PIBF1: variants seen among roughly 807,000 people sequenced by gnomAD.
PIBF1 encodes progesterone-induced-blocking factor 1.
In PIBF1, 90 loss-of-function variants were observed where a neutral mutation model predicts 112.5. The observed-to-expected ratio is 0.80, with a 90% CI of 0.67 to 0.95. PIBF1 has a LOEUF of 0.95. PIBF1 is among the 40% of genes least tolerant of loss of function. PIBF1 has a pLI of 0.00. For missense variants in PIBF1, 915 were observed against 852.3 expected (o/e 1.07, Z -0.92); for synonymous variants, 301 against 288.6 (o/e 1.04, Z -0.44).
intron 16 of PIBF1, among the ~76,000 whole-genome samples, chr13:72,979,690 G>T (rs1038051789): frequency 6.6e-6 from 1 of 152,124 alleles, no homozygotes; most frequent in Non-Finnish European, 1.5e-5. Context: ...TTCGGAGGCC[G>T]AGGCGGGCAG....
chr13:72,917,123 G>C lies in PIBF1; in HGVS notation c.1687G>C (p.Gly563Arg). Residue 563 changes from glycine (G) to arginine (R), a missense_variant, in exon 13 of 18, where the codon GGT becomes CGT. Gly to Arg is a moderately radical substitution (Grantham distance 125). Transcript: ENST00000326291. ...AERVLFSYGY[G>R]ANVPTTAKRR... ...AAGGGTTCTTTTTTCCTACGGCTAT[G>C]GTGCTAATGTTCCCACAACAGCCAA... The C allele has an allele frequency of 6.3e-7, 1 of 1,596,960 alleles. No individual in the cohort carries two copies. Among genetic ancestry groups the C allele is most frequent in the African/African-American group, 1.3e-5 (1 of 74,364 alleles).
intron 16 of PIBF1, among the ~76,000 whole-genome samples, chr13:72,986,676 C>CTTTTTTTTTT (rs765529786): frequency 2.2e-5 from 2 of 89,006 alleles, no homozygotes; most frequent in African/African-American, 4.3e-5. Flanking sequence ...TTTCTGTCAT[C>CTTTTTTTTTT]TTTTTTTTTT....
At chr13:72,863,312 A>G (rs1193289471) in intron 10 of PIBF1, among the ~76,000 whole-genome samples, 4 of 152,156 alleles carry the variant, frequency 2.6e-5, no homozygotes, top group African/African-American at 9.7e-5. Context: ...TATATAGGAA[A>G]AGAAATACAG....
At chr13:72,883,246 C>T (rs575436063) in intron 10 of PIBF1, among the ~76,000 whole-genome samples, 2 of 152,248 alleles carry the variant, frequency 1.3e-5, no homozygotes, top group East Asian at 1.9e-4. Flanking sequence ...ATAAGACAAA[C>T]TTTGCATGTT....
At chr13:72,905,233 A>C (rs1003508893) in intron 11 of PIBF1, among the ~76,000 whole-genome samples, 10 of 151,930 alleles carry the variant, frequency 6.6e-5, no homozygotes, top group African/African-American at 2.4e-4. Context: ...ACACCCGGCT[A>C]ATTTTTGTAT....
chr13:73,009,068 TAGAGTGTGGCA>T (rs552722323), intron 17 of PIBF1, among the ~76,000 whole-genome samples: 150 of 152,308 alleles, frequency 9.8e-4, no homozygotes, highest in African/African-American at 3.5e-3. Context: ...CAACCATCCT[TAGAGTGTGGCA>T]TCTGTTCTTA....
chr13:72,977,366 T>C (rs2043049419), intron 16 of PIBF1, among the ~76,000 whole-genome samples: 1 of 151,966 alleles, frequency 6.6e-6, no homozygotes, highest in Non-Finnish European at 1.5e-5. Flanking sequence ...CCACCACACC[T>C]GGCTAATTTT....
intron 9 of PIBF1, among the ~76,000 whole-genome samples, chr13:72,845,607 G>A (rs1048419691): frequency 6.6e-6 from 1 of 152,142 alleles, no homozygotes; most frequent in African/African-American, 2.4e-5. Flanking sequence ...TTCCACAACT[G>A]TTGAAGTAAT....
chr13:72,870,225 C>T (rs1203974566), intron 10 of PIBF1, among the ~76,000 whole-genome samples: 1 of 152,166 alleles, frequency 6.6e-6, no homozygotes, highest in Non-Finnish European at 1.5e-5. Flanking sequence ...TCTCTGCCTT[C>T]CTTAATTCTT....
chr13:72,787,045 A>G lies in PIBF1; in HGVS notation c.252+3324A>G, dbSNP rs143571638. Among the ~76,000 whole-genome samples the G allele has an allele frequency of 8.5e-3, 1,287 of 152,294 alleles. 63 individuals are homozygous for G. The highest frequency in any genetic ancestry group is 9.6e-3 in the East Asian group (50 of 5,190). On this transcript the variant is annotated intron_variant, in intron 2 of 17. Transcript: ENST00000326291. The stretch of plus-strand genomic sequence containing the variant: ...AAAGTGTGAGTCTGGAGTTGATGAA[A>G]GAATATTTAAAAAATATTTTTATTA...
At chr13:72,786,807 G>A (rs760569754) in intron 2 of PIBF1, among the ~76,000 whole-genome samples, 6 of 152,156 alleles carry the variant, frequency 3.9e-5, no homozygotes, top group Non-Finnish European at 8.8e-5. Context: ...AGGATTCTCT[G>A]CTTGAAGACT....
At chr13:72,996,777 A>AG in intron 16 of PIBF1, among the ~76,000 whole-genome samples, 1 of 152,294 alleles carries the variant, frequency 6.6e-6, no homozygotes, top group Admixed American at 6.5e-5. Flanking sequence ...TAAAAAAAAA[A>AG]AAATTGAAGT....
At chr13:72,892,785 T>TACACACACACACACACACACACACACAC in intron 10 of PIBF1, among the ~76,000 whole-genome samples, 1 of 140,796 alleles carries the variant, frequency 7.1e-6, no homozygotes, top group Non-Finnish European at 1.5e-5. Flanking sequence ...CCTCCTGCCT[T>TACACACACACACACACACACACACACAC]ACACACACAC....
At chr13:72,994,739 G>A (rs761029648) in intron 16 of PIBF1, among the ~76,000 whole-genome samples, 12 of 152,088 alleles carry the variant, frequency 7.9e-5, no homozygotes, top group Admixed American at 2.6e-4. Context: ...GATAAGAACC[G>A]AACCAGGTTA....
intron 17 of PIBF1, among the ~76,000 whole-genome samples, chr13:73,011,999 T>G (rs1487577110): frequency 1.3e-5 from 2 of 152,032 alleles, no homozygotes; most frequent in Admixed American, 1.3e-4. Context: ...ATGAAAATCC[T>G]AAGAAAGAAC....
At chr13:72,844,154 G>A (rs113939722) in intron 9 of PIBF1, among the ~76,000 whole-genome samples, 7 of 152,174 alleles carry the variant, frequency 4.6e-5, no homozygotes, top group African/African-American at 1.7e-4. Flanking sequence ...TTACAAGTAA[G>A]GTAATTGAGA....
intron 16 of PIBF1, among the ~76,000 whole-genome samples, chr13:72,976,403 C>A (rs1037105096): frequency 1.3e-5 from 2 of 152,070 alleles, no homozygotes; most frequent in African/African-American, 4.8e-5. Flanking sequence ...GATGAAACTA[C>A]TCATTAATTG....
At chr13:72,794,249 G>A (rs2035079578) in intron 3 of PIBF1, among the ~76,000 whole-genome samples, 1 of 152,170 alleles carries the variant, frequency 6.6e-6, no homozygotes, top group Non-Finnish European at 1.5e-5. Context: ...ATTGGAGACA[G>A]TAAAAATATG....
chr13:72,967,455 A>C (rs7999640), intron 15 of PIBF1, among the ~76,000 whole-genome samples: 1 of 152,128 alleles, frequency 6.6e-6, no homozygotes, highest in African/African-American at 2.4e-5. Flanking sequence ...AAATTCAGCC[A>C]TAGAGAAATT....
Sources: allele counts gnomAD v4.1 joint callset (sites outside exome capture counted in the v4.1 genomes callset), GRCh38; gene constraint gnomAD v4.1.1; transcripts MANE v1.5; gene names NCBI Gene and HGNC (gene_info 2026-07-23, HGNC 2026-07-21).